KDM4B: variants seen among roughly 807,000 people sequenced by gnomAD.
The protein encoded by KDM4B is lysine demethylase 4B.
KDM4B carries 32 observed loss-of-function variants against 125.2 expected under a neutral mutation model. The ratio of observed to expected loss-of-function variants is 0.26; its 90% confidence interval spans 0.19 to 0.34. KDM4B has a LOEUF of 0.34. KDM4B is among the 10% of genes least tolerant of loss of function. The pLI, the probability that KDM4B is intolerant of heterozygous loss-of-function variation, is 1.00. For missense variants in KDM4B, 1,190 were observed against 1,577.7 expected (o/e 0.75, Z 4.16); for synonymous variants, 721 against 677.9 (o/e 1.06, Z -0.99).
At chr19:4,981,575 C>T (rs542658295) in intron 1 of KDM4B, among the ~76,000 whole-genome samples, 73 of 152,242 alleles carry the variant, frequency 4.8e-4, no homozygotes, top group African/African-American at 1.7e-3. Flanking sequence ...ACCTGGACGT[C>T]CCCCCAGGAG....
At chr19:5,093,565 CAG>C (rs772669957) in intron 9 of KDM4B, among the ~76,000 whole-genome samples, 10 of 152,334 alleles carry the variant, frequency 6.6e-5, no homozygotes, top group East Asian at 3.9e-4. Flanking sequence ...ACATCAGAAA[CAG>C]GGGGCCCACT....
chr19:5,103,428 G>A (rs563332538), intron 9 of KDM4B, among the ~76,000 whole-genome samples: 138 of 152,340 alleles, frequency 9.1e-4, no homozygotes, highest in African/African-American at 3.2e-3. Flanking sequence ...CATTTTCCTG[G>A]GAAGGTAGCA....
At chr19:4,976,082 T>G (rs1207408209) in intron 1 of KDM4B, among the ~76,000 whole-genome samples, 2 of 151,414 alleles carry the variant, frequency 1.3e-5, no homozygotes, top group Non-Finnish European at 2.9e-5. Flanking sequence ...AAATCCTGTC[T>G]CTACTAAAAA....
intron 11 of KDM4B, among the ~76,000 whole-genome samples, chr19:5,122,221 C>T (rs1190043370): frequency 3.9e-5 from 6 of 152,210 alleles, no homozygotes; most frequent in African/African-American, 1.4e-4. Flanking sequence ...TCTCTTGGCT[C>T]AGAGCCCCTT....
At chr19:5,148,825 G>A (rs1028017303) in intron 21 of KDM4B, among the ~76,000 whole-genome samples, 1 of 152,214 alleles carries the variant, frequency 6.6e-6, no homozygotes, top group East Asian at 1.9e-4. Context: ...CCGGACAGAC[G>A]CTGGGAAGGG....
At chr19:5,042,545 T>C (rs1568251040) in intron 5 of KDM4B, among the ~76,000 whole-genome samples, 1 of 149,168 alleles carries the variant, frequency 6.7e-6, no homozygotes, top group Non-Finnish European at 1.5e-5. Flanking sequence ...GACTGGGTAG[T>C]GAATAAAGAA....
chr19:5,131,660 G>A, intron 12 of KDM4B, 115 bp downstream of exon 12: 1 of 627,348 alleles, frequency 1.6e-6, no homozygotes, highest in Non-Finnish European at 2.7e-6. Context: ...GGGAGGAGGG[G>A]ACAGGAGGGC....
At position 5,141,952 on chromosome 19, in the gene KDM4B, G is replaced by T. The variant is rs1464510204; in HGVS notation, c.2551-2015G>T. 6.6e-6 allele frequency among the ~76,000 whole-genome samples: 1 copy of T among 152,168 alleles called. No homozygotes were observed. The highest frequency in any genetic ancestry group is 1.9e-4 in the East Asian group (1 of 5,184). ...AGTCCTGCCTGGAGGGGTAGGGCTC[G>T]GTCAGGAGGGAGGGGCTCTCTGCTC... On this transcript the variant is annotated intron_variant, in intron 18 of 22. Transcript: ENST00000159111. The surrounding 1 kb of genome is among the most constrained non-coding windows in gnomAD (Gnocchi z 6.4).
chr19:5,138,157 G>T, intron 18 of KDM4B, 87 bp downstream of exon 18: 7 of 1,017,042 alleles, frequency 6.9e-6, no homozygotes, highest in Non-Finnish European at 5.9e-6. Flanking sequence ...ATCTGAAGCG[G>T]TCTTTCCTCC....
chr19:4,989,868 G>C (rs950954447), intron 1 of KDM4B, among the ~76,000 whole-genome samples: 1 of 152,206 alleles, frequency 6.6e-6, no homozygotes, highest in African/African-American at 2.4e-5. Flanking sequence ...CACCAGGCTG[G>C]TCTTGAACTC....
At chr19:5,136,669 C>G (rs1443294620) in intron 15 of KDM4B, among the ~76,000 whole-genome samples, 1 of 152,146 alleles carries the variant, frequency 6.6e-6, no homozygotes, top group Non-Finnish European at 1.5e-5. Flanking sequence ...CCCTGCTGCT[C>G]TGGAGGCAGT....
At chr19:5,126,694 C>T (rs1409660557) in intron 11 of KDM4B, among the ~76,000 whole-genome samples, 1 of 152,206 alleles carries the variant, frequency 6.6e-6, no homozygotes, top group African/African-American at 2.4e-5. Flanking sequence ...GCTGTGAGCT[C>T]AGCCCGGGGA....
rs766843850 is a variant in KDM4B, at chr19:5,131,213, C to A, written c.1453C>A (p.Leu485Met). The change falls in exon 12 of 23, where the codon CTG (leucine) becomes ATG (methionine). Residue 485 changes from leucine to methionine, a missense_variant. This residue lies in a region of KDM4B where 428 missense variants were observed against 405.1 expected (regional missense o/e 1.06). Coordinates refer to ENST00000159111, the MANE Select transcript of KDM4B (RefSeq NM_015015.3). Reference protein sequence around the residue: ...SEEALWLPSPLEPPVLGPGPA... With the variant: ...SEEALWLPSPMEPPVLGPGPA... Reference sequence around the variant, plus strand: ...GGAGGCGCTGTGGCTGCCATCCCCACTGGAGCCCCCGGTGCTGGGCCCAGG... The same window carrying A: ...GGAGGCGCTGTGGCTGCCATCCCCAATGGAGCCCCCGGTGCTGGGCCCAGG... 99 of 1,605,568 alleles carry A rather than the reference C, an allele frequency of 6.2e-5. No individual in the cohort carries two copies. The highest frequency in any genetic ancestry group is 1.7e-4 in the Middle Eastern group (1 of 5,958).
intron 15 of KDM4B, among the ~76,000 whole-genome samples, chr19:5,136,914 A>G (rs1274230153): frequency 6.6e-6 from 1 of 152,110 alleles, no homozygotes; most frequent in Non-Finnish European, 1.5e-5. Flanking sequence ...TAGCAGGAGG[A>G]GCTGCTGTTG....
At chr19:5,068,202 G>A (rs189619079) in intron 6 of KDM4B, among the ~76,000 whole-genome samples, 161 of 152,216 alleles carry the variant, frequency 1.1e-3, no homozygotes, top group African/African-American at 3.6e-3. Flanking sequence ...CTCTTTGGGG[G>A]CCTGGGCGGA....
chr19:5,109,268 G>T (rs148963052), intron 9 of KDM4B, among the ~76,000 whole-genome samples: 1 of 152,164 alleles, frequency 6.6e-6, no homozygotes, highest in East Asian at 1.9e-4. Context: ...ACAGACCAGA[G>T]CTTCCTGGCC....
chr19:4,981,971 A>G (rs1180200791), intron 1 of KDM4B, among the ~76,000 whole-genome samples: 1 of 152,222 alleles, frequency 6.6e-6, no homozygotes, highest in Admixed American at 6.5e-5. Flanking sequence ...AGCAGAGATG[A>G]GAACATGTTA....
chr19:5,148,900 T>C (rs2039897661), intron 21 of KDM4B, among the ~76,000 whole-genome samples: 1 of 152,188 alleles, frequency 6.6e-6, no homozygotes, highest in Non-Finnish European at 1.5e-5. Flanking sequence ...GTGGCACCCA[T>C]GTCCTTGGTT....
At chr19:5,040,647 G>T (rs937857726) in intron 4 of KDM4B, among the ~76,000 whole-genome samples, 2 of 152,210 alleles carry the variant, frequency 1.3e-5, no homozygotes, top group Non-Finnish European at 2.9e-5. Context: ...GTGCTGCGCA[G>T]GCCTGTCCCG....
Sources: gnomAD v4.1 joint callset for allele counts (sites outside exome capture counted in the v4.1 genomes callset) on GRCh38, gnomAD v4.1.1 for gene constraint, gnomAD v4.1.1 regional missense constraint, Gnocchi (gnomAD v3.1) non-coding constraint, MANE v1.5 for transcripts, NCBI Gene and HGNC (gene_info 2026-07-23, HGNC 2026-07-21) for gene names.